Variants in CDH13 observed in about 807,000 individuals in gnomAD.
CDH13 encodes cadherin 13, also known as cadherin-13.
In CDH13, 24 loss-of-function variants were observed where a neutral mutation model predicts 63.8. That is an observed-to-expected ratio of 0.38 (90% CI 0.27 to 0.53). CDH13 has a LOEUF of 0.53. Among genes scored for constraint, CDH13 ranks in the 20% least tolerant of loss-of-function variants. CDH13 has a pLI of 0.85. For synonymous variants in CDH13, 503 were observed against 355.3 expected, an observed-to-expected ratio of 1.42 and a Z score of -4.67; for missense variants, 1,049 against 903.1, an observed-to-expected ratio of 1.16 and a Z score of -2.07.
intron 1 of CDH13, among the ~76,000 whole-genome samples, chr16:82,719,829 G>C (rs1382346735): frequency 8.3e-6 from 1 of 120,656 alleles, no homozygotes; most frequent in Non-Finnish European, 1.6e-5. Flanking sequence ...CTGGGCAACA[G>C]AGAGAGACTC....
At chr16:83,755,999 A>C (rs1408274000) in intron 11 of CDH13, among the ~76,000 whole-genome samples, 1 of 152,268 alleles carries the variant, frequency 6.6e-6, no homozygotes, top group African/African-American at 2.4e-5. Context: ...GGCTATAAAC[A>C]TAGTTAAAAC....
intron 10 of CDH13, among the ~76,000 whole-genome samples, chr16:83,723,165 G>A (rs560468906): frequency 2.6e-5 from 4 of 152,344 alleles, no homozygotes; most frequent in East Asian, 1.9e-4. Flanking sequence ...TGAGAAGCAC[G>A]ATGACTTTCA....
intron 2 of CDH13, among the ~76,000 whole-genome samples, chr16:82,889,956 A>C (rs1398946515): frequency 6.6e-6 from 1 of 152,234 alleles, no homozygotes; most frequent in Non-Finnish European, 1.5e-5. Flanking sequence ...TAATACATTT[A>C]AAACACAAAT....
At chr16:83,381,599 T>TCTCCCATATCACCTC (rs1202798904) in intron 6 of CDH13, among the ~76,000 whole-genome samples, 22 of 151,878 alleles carry the variant, frequency 1.4e-4, no homozygotes, top group Non-Finnish European at 2.8e-4. Context: ...CACATCACCT[T>TCTCCCATATCACCTC]CTCCCATATC....
At chr16:83,517,561 G>A (rs1178167329) in intron 7 of CDH13, among the ~76,000 whole-genome samples, 1 of 151,960 alleles carries the variant, frequency 6.6e-6, no homozygotes, top group Non-Finnish European at 1.5e-5. Context: ...CATCCCTTTG[G>A]CTAGAACTAG....
chr16:83,529,678 A>G (rs1378131730), intron 7 of CDH13, among the ~76,000 whole-genome samples: 3 of 152,062 alleles, frequency 2.0e-5, no homozygotes, highest in Non-Finnish European at 4.4e-5. Flanking sequence ...AGTAATATAA[A>G]TGGAAATAGA....
chr16:83,712,689 C>A (rs1332077226), intron 10 of CDH13, among the ~76,000 whole-genome samples: 1 of 152,170 alleles, frequency 6.6e-6, no homozygotes, highest in South Asian at 2.1e-4. Context: ...CACATCTATC[C>A]TTTTCTGGAA....
chr16:83,526,496 T>C (rs190518814), intron 7 of CDH13, among the ~76,000 whole-genome samples: 14 of 152,262 alleles, frequency 9.2e-5, no homozygotes, highest in Admixed American at 9.2e-4. Context: ...CAGTTCACAA[T>C]AGGTTTTGCA....
chr16:83,783,424 C>T lies in CDH13; in HGVS notation c.2086C>T (p.Arg696Cys), dbSNP rs758706551. The T allele has an allele frequency of 3.1e-5, 50 of 1,613,878 alleles. No homozygotes were observed. Among genetic ancestry groups the T allele is most frequent in the Non-Finnish European group, 4.1e-5 (48 of 1,179,878 alleles). Reference protein sequence around the residue: ...KVDCNAAGALRFSLPSVLLLS... With the variant: ...KVDCNAAGALCFSLPSVLLLS... Reference sequence around the variant, plus strand: ...GGACTGCAACGCGGCAGGGGCCCTGCGCTTCAGCCTGCCCTCAGTCCTGCT... The same window carrying T: ...GGACTGCAACGCGGCAGGGGCCCTGTGCTTCAGCCTGCCCTCAGTCCTGCT... The change falls in exon 13 of 14, where the codon CGC becomes TGC. Residue 696 changes from arginine to cysteine, a missense_variant. By Grantham distance (180) the Arg-to-Cys change is radical. Transcript: ENST00000567109.
At chr16:83,247,284 C>T (rs1043322865) in intron 5 of CDH13, among the ~76,000 whole-genome samples, 1 of 152,104 alleles carries the variant, frequency 6.6e-6, no homozygotes, top group African/African-American at 2.4e-5. Context: ...TGTTCTGCAC[C>T]AGACATAATT....
intron 6 of CDH13, among the ~76,000 whole-genome samples, chr16:83,429,635 T>C (rs966546161): frequency 1.3e-5 from 2 of 152,156 alleles, no homozygotes; most frequent in Non-Finnish European, 2.9e-5. Context: ...CTCAGAATGC[T>C]GAGGGGAAGG....
At chr16:83,502,908 T>G (rs1044509512) in intron 7 of CDH13, among the ~76,000 whole-genome samples, 2 of 152,208 alleles carry the variant, frequency 1.3e-5, no homozygotes, top group Non-Finnish European at 2.9e-5. Context: ...GCTGGGTGGC[T>G]GCCATCCCAC....
chr16:83,385,307 G>A (rs2091651340), intron 6 of CDH13, among the ~76,000 whole-genome samples: 1 of 152,210 alleles, frequency 6.6e-6, no homozygotes, highest in Non-Finnish European at 1.5e-5. Context: ...TCATTAGGCA[G>A]CTAAGGCATA....
chr16:82,901,934 A>G (rs2041485189), intron 2 of CDH13, among the ~76,000 whole-genome samples: 1 of 152,232 alleles, frequency 6.6e-6, no homozygotes, highest in Non-Finnish European at 1.5e-5. Context: ...TAACCATCCC[A>G]GAAAATCTGA....
intron 6 of CDH13, among the ~76,000 whole-genome samples, chr16:83,392,016 G>A (rs1180432725): frequency 6.6e-6 from 1 of 152,152 alleles, no homozygotes; most frequent in Admixed American, 6.5e-5. Flanking sequence ...GCATCGCGGG[G>A]TGTCTAACAC....
At chr16:83,270,700 G>C (rs1294049059) in intron 5 of CDH13, among the ~76,000 whole-genome samples, 1 of 152,070 alleles carries the variant, frequency 6.6e-6, no homozygotes, top group Non-Finnish European at 1.5e-5. Flanking sequence ...TATTTTTCAA[G>C]ACACGTTCCT....
At chr16:83,104,135 T>A (rs1275552488) in intron 3 of CDH13, among the ~76,000 whole-genome samples, 1 of 152,220 alleles carries the variant, frequency 6.6e-6, no homozygotes, top group Non-Finnish European at 1.5e-5. Context: ...CACTCTCTTC[T>A]CTTTTTAAAG....
intron 5 of CDH13, among the ~76,000 whole-genome samples, chr16:83,328,145 G>GAAA (rs370035854): frequency 1.3e-5 from 2 of 149,962 alleles, no homozygotes; most frequent in South Asian, 4.2e-4. Context: ...AAAAGAAAAA[G>GAAA]AAAAAAAATT....
At chr16:82,630,042 T>C (rs1451157778) in intron 1 of CDH13, among the ~76,000 whole-genome samples, 1 of 152,200 alleles carries the variant, frequency 6.6e-6, no homozygotes, top group Non-Finnish European at 1.5e-5. Context: ...CATGGAATTC[T>C]GAGATTTCGC....
Sources: allele counts gnomAD v4.1 joint callset (sites outside exome capture counted in the v4.1 genomes callset), GRCh38; gene constraint gnomAD v4.1.1; transcripts MANE v1.5; gene names NCBI Gene and HGNC (gene_info 2026-07-23, HGNC 2026-07-21).